Variants in TMEM200A observed in about 807,000 individuals in gnomAD.
TMEM200A encodes the protein two transmembrane C.
TMEM200A carries 12 observed loss-of-function variants against 24.3 expected under a neutral mutation model. The observed-to-expected ratio is 0.49, with a 90% CI of 0.32 to 0.80. The LOEUF (loss-of-function observed/expected upper bound fraction) is 0.80, where lower values mean the gene tolerates loss of function less well. Among genes scored for constraint, TMEM200A ranks in the 30% least tolerant of loss-of-function variants. The pLI, the probability that TMEM200A is intolerant of heterozygous loss-of-function variation, is 0.04. For synonymous variants in TMEM200A, 224 were observed against 224.4 expected (o/e 1.00, Z 0.02); for missense variants, 545 against 614.4 (o/e 0.89, Z 1.19).
intron 2 of TMEM200A, among the ~76,000 whole-genome samples, chr6:130,414,083 CT>C (rs1211468343): frequency 1.3e-5 from 2 of 152,016 alleles, no homozygotes; most frequent in African/African-American, 4.8e-5. Context: ...ACAAAACCTG[CT>C]TCTCACTGTT....
At chr6:130,369,740 G>C (rs1204719121) in intron 1 of TMEM200A, among the ~76,000 whole-genome samples, 2 of 152,200 alleles carry the variant, frequency 1.3e-5, no homozygotes, top group African/African-American at 4.8e-5. Flanking sequence ...TGTTCTGCAA[G>C]TTGTGCTTTG....
At chr6:130,437,876 C>T (rs928760225) in intron 2 of TMEM200A, 1 of 152,086 alleles carries the variant, frequency 6.6e-6, no homozygotes, top group Non-Finnish European at 1.5e-5. Context: ...ATCAATCAGC[C>T]TCCTAAGCGA....
At chr6:130,401,920 C>T (rs980656388) in intron 2 of TMEM200A, among the ~76,000 whole-genome samples, 1 of 151,670 alleles carries the variant, frequency 6.6e-6, no homozygotes, top group Non-Finnish European at 1.5e-5. Context: ...TTTTCTTAAA[C>T]CATTGATTTC....
At chr6:130,365,983 G>A, upstream of TMEM200A, 1 of 985,638 alleles carries the variant, frequency 1.0e-6, no homozygotes, top group Non-Finnish European at 1.2e-6. Context: ...CGCCTCTTCG[G>A]GGCTTTATGG....
chr6:130,385,988 C>T (rs1778703197), intron 2 of TMEM200A, among the ~76,000 whole-genome samples: 1 of 152,092 alleles, frequency 6.6e-6, no homozygotes, highest in Non-Finnish European at 1.5e-5. Flanking sequence ...GGTAAGGGGA[C>T]TCTTAAACTT....
At chr6:130,409,298 C>T (rs1779279853) in intron 2 of TMEM200A, among the ~76,000 whole-genome samples, 1 of 152,110 alleles carries the variant, frequency 6.6e-6, no homozygotes, top group African/African-American at 2.4e-5. Context: ...CATTATTTAT[C>T]TTTAAGTGGT....
intron 1 of TMEM200A, among the ~76,000 whole-genome samples, chr6:130,367,283 T>A (rs756017448): frequency 6.6e-6 from 1 of 152,240 alleles, no homozygotes; most frequent in Non-Finnish European, 1.5e-5. Flanking sequence ...ATTTAAAAAC[T>A]AAATATGTTG....
chr6:130,417,301 CTT>C (rs1206158779), intron 2 of TMEM200A, among the ~76,000 whole-genome samples: 3 of 152,078 alleles, frequency 2.0e-5, no homozygotes, highest in Non-Finnish European at 4.4e-5. Flanking sequence ...CACTCAAACA[CTT>C]TTGGTGTTGA....
At chr6:130,370,519 G>A (rs1778295531) in intron 1 of TMEM200A, among the ~76,000 whole-genome samples, 1 of 152,082 alleles carries the variant, frequency 6.6e-6, no homozygotes, top group African/African-American at 2.4e-5. Flanking sequence ...GTCTATTATT[G>A]GGAATAATTC....
Position 130,366,199 on chromosome 6 carries a change from CACCG to C in TMEM200A, c.-405_-402del. On this transcript the variant is annotated 5_prime_UTR_variant, in exon 1 of 3. The change abolishes the stop of an existing upstream ORF in the 5' untranslated region. Coordinates refer to ENST00000296978, the MANE Select transcript of TMEM200A (RefSeq NM_001258277.2). The surrounding 1 kb of genome is among the most constrained non-coding windows in gnomAD (Gnocchi z 4.4). ...CCGGATGGCGGCGGCCCTCTGTGAG[CACCG>C]GCAGCGGCGCATCCCCTGCCCCGAG... The C allele has an allele frequency of 3.0e-6, 3 of 985,250 alleles. No homozygotes were observed. The highest frequency in any genetic ancestry group is 3.6e-6 in the Non-Finnish European group (3 of 829,812). 61.0% of individuals were successfully genotyped at this position (985,250 alleles called of 1,614,324 possible).
chr6:130,394,208 T>G (rs1311358752), intron 2 of TMEM200A, among the ~76,000 whole-genome samples: 1 of 152,218 alleles, frequency 6.6e-6, no homozygotes, highest in Non-Finnish European at 1.5e-5. Context: ...ATCCTTCTCC[T>G]GAACCCAGCC....
intron 2 of TMEM200A, among the ~76,000 whole-genome samples, chr6:130,408,941 C>T (rs1258218184): frequency 6.6e-6 from 1 of 152,060 alleles, no homozygotes; most frequent in Admixed American, 6.5e-5. Context: ...GACCACCACC[C>T]CCTCCCTGAC....
intron 2 of TMEM200A, among the ~76,000 whole-genome samples, chr6:130,402,205 A>G (rs530003370): frequency 2.6e-5 from 4 of 152,206 alleles, no homozygotes; most frequent in African/African-American, 9.6e-5. Context: ...ATAAACAAAC[A>G]GAGTATTATG....
At chr6:130,422,871 A>G (rs1449041010) in intron 2 of TMEM200A, among the ~76,000 whole-genome samples, 1 of 152,234 alleles carries the variant, frequency 6.6e-6, no homozygotes, top group Non-Finnish European at 1.5e-5. Flanking sequence ...CTAGTTAGCC[A>G]GTTGGCATTT....
At chr6:130,424,071 T>TCTAA (rs1779668165) in intron 2 of TMEM200A, among the ~76,000 whole-genome samples, 2 of 152,052 alleles carry the variant, frequency 1.3e-5, no homozygotes, top group Admixed American at 6.6e-5. Flanking sequence ...GCATATTTTT[T>TCTAA]CTAACTGCAT....
intron 2 of TMEM200A, among the ~76,000 whole-genome samples, chr6:130,392,955 T>G (rs1041481983): frequency 6.6e-6 from 1 of 152,240 alleles, no homozygotes; most frequent in Non-Finnish European, 1.5e-5. Flanking sequence ...TTTCTTGACA[T>G]GTAGTAGGTG....
At chr6:130,421,818 C>T (rs1386572565) in intron 2 of TMEM200A, among the ~76,000 whole-genome samples, 1 of 152,066 alleles carries the variant, frequency 6.6e-6, no homozygotes, top group East Asian at 1.9e-4. Context: ...TTTCACTTAA[C>T]ATAATGTCTT....
At chr6:130,430,481 T>C (rs1779849559) in intron 2 of TMEM200A, among the ~76,000 whole-genome samples, 1 of 152,192 alleles carries the variant, frequency 6.6e-6, no homozygotes, top group Non-Finnish European at 1.5e-5. Flanking sequence ...TGAATTCATC[T>C]TGCTGCCACT....
chr6:130,416,337 C>CTG lies in TMEM200A; in HGVS notation c.-16-24054_-16-24053dup, dbSNP rs776308849. Among the ~76,000 whole-genome samples the CTG allele has an allele frequency of 3.7e-3, 546 of 149,152 alleles. 3 individuals carry two copies. The highest frequency in any genetic ancestry group is 0.012 in the African/African-American group (473 of 39,568). On this transcript the variant is annotated intron_variant, in intron 2 of 2. Transcript: ENST00000296978. ...GATTTCTCTCTCTCTGTCTCTCTCT[C>CTG]TGTGTGTGTGTGTGTGTCTATACAT...
Sources: allele counts gnomAD v4.1 joint callset (sites outside exome capture counted in the v4.1 genomes callset), GRCh38; gene constraint gnomAD v4.1.1; non-coding constraint Gnocchi (gnomAD v3.1); transcripts MANE v1.5; gene names NCBI Gene and HGNC (gene_info 2026-07-23, HGNC 2026-07-21).